SYCP1: variants seen among roughly 807,000 people sequenced by gnomAD.
SYCP1 encodes cancer/testis antigen 8.
In SYCP1, 64 loss-of-function variants were observed where a neutral mutation model predicts 153.1. The observed-to-expected ratio is 0.42, with a 90% CI of 0.34 to 0.51. SYCP1 has a LOEUF of 0.51. SYCP1 is among the 20% of genes least tolerant of loss of function. The probability of loss-of-function intolerance (pLI) is 0.06; values close to 1 mark genes in which losing one functional copy is unlikely to be tolerated. For synonymous variants in SYCP1, 384 were observed against 341.8 expected (o/e 1.12, Z -1.36); for missense variants, 997 against 1,049.0 (o/e 0.95, Z 0.68).
intron 30 of SYCP1, among the ~76,000 whole-genome samples, chr1:114,990,819 CA>C (rs1175070368): frequency 6.6e-6 from 1 of 151,858 alleles, no homozygotes; most frequent in Non-Finnish European, 1.5e-5. Flanking sequence ...TCAAAAACCT[CA>C]ACAAAGAAAA....
At chr1:114,894,652 A>G (rs189638652) in intron 15 of SYCP1, among the ~76,000 whole-genome samples, 1 of 152,308 alleles carries the variant, frequency 6.6e-6, no homozygotes, top group Non-Finnish European at 1.5e-5. Context: ...TAGAGAGGAA[A>G]CAGGACATAT....
At chr1:114,987,474 T>C (rs1445418692) in intron 30 of SYCP1, among the ~76,000 whole-genome samples, 2 of 151,928 alleles carry the variant, frequency 1.3e-5, no homozygotes, top group African/African-American at 4.8e-5. Context: ...TGAGACTAAG[T>C]TGGGCAACAG....
At chr1:114,984,985 A>G in intron 30 of SYCP1, 117 bp downstream of exon 30, 1 of 437,040 alleles carries the variant, frequency 2.3e-6, no homozygotes. Context: ...ATACTGATAT[A>G]CAGTGGAGCT....
intron 27 of SYCP1, among the ~76,000 whole-genome samples, chr1:114,956,368 C>T (rs943409028): frequency 6.6e-6 from 1 of 152,166 alleles, no homozygotes; most frequent in Admixed American, 6.5e-5. Context: ...GCATTCCAAC[C>T]TCTATCTCAC....
intron 23 of SYCP1, among the ~76,000 whole-genome samples, chr1:114,942,799 A>G (rs1270769373): frequency 6.6e-6 from 1 of 151,968 alleles, no homozygotes; most frequent in Non-Finnish European, 1.5e-5. Flanking sequence ...TAAAAAACAC[A>G]ACCATATTTG....
intron 23 of SYCP1, 38 bp from the exon 24 acceptor site, chr1:114,944,301 C>A: frequency 2.6e-6 from 3 of 1,135,022 alleles, no homozygotes; most frequent in East Asian, 2.5e-5. Context: ...TAATCCATAG[C>A]ATTTACTAAT....
chr1:114,939,354 A>C (rs947536137), intron 23 of SYCP1, among the ~76,000 whole-genome samples: 1 of 152,232 alleles, frequency 6.6e-6, no homozygotes, highest in Non-Finnish European at 1.5e-5. Context: ...AAGAATATTC[A>C]TGGTGGCTTT....
In SYCP1 at chr1:114,981,730, C is replaced by T. The variant is rs114412358; in HGVS notation, c.2559+218C>T. 4.9e-3 allele frequency among the ~76,000 whole-genome samples: 741 copies of T among 152,100 alleles called. 8 individuals are homozygous for T. Among genetic ancestry groups the T allele is most frequent in the African/African-American group, 0.017 (693 of 41,534 alleles). On this transcript the variant is annotated intron_variant, in intron 29 of 31. Transcript: ENST00000369522. ...GCCTTAACTCATCCTCCTGTCTTGG[C>T]CTCCCAAAGTATTGGGATTATAGGT...
intron 8 of SYCP1, among the ~76,000 whole-genome samples, chr1:114,864,247 A>G (rs1217493276): frequency 6.6e-6 from 1 of 152,112 alleles, no homozygotes; most frequent in Non-Finnish European, 1.5e-5. Flanking sequence ...GGACAGGGTG[A>G]TTGGGAAGTT....
intron 30 of SYCP1, among the ~76,000 whole-genome samples, chr1:114,985,120 G>A (rs1301032604): frequency 1.3e-5 from 2 of 151,512 alleles, no homozygotes; most frequent in Non-Finnish European, 3.0e-5. Context: ...ATGGGCATAC[G>A]ATATGATTAA....
intron 27 of SYCP1, among the ~76,000 whole-genome samples, chr1:114,962,668 C>T (rs545124117): frequency 6.6e-6 from 1 of 152,250 alleles, no homozygotes; most frequent in East Asian, 1.9e-4. Flanking sequence ...TTACATTCAA[C>T]ATTAGTATTG....
At chr1:114,994,558 C>T in intron 30 of SYCP1, 140 bp from the exon 31 acceptor site, 1 of 486,872 alleles carries the variant, frequency 2.1e-6, no homozygotes, top group Non-Finnish European at 3.5e-6. Flanking sequence ...TCTCTTTCCT[C>T]CTCCCTTTGC....
At chr1:114,962,779 T>A (rs1671862580) in intron 27 of SYCP1, among the ~76,000 whole-genome samples, 1 of 152,226 alleles carries the variant, frequency 6.6e-6, no homozygotes, top group African/African-American at 2.4e-5. Context: ...AGATTTATGC[T>A]TTAAGGAAAT....
At position 114,885,644 on chromosome 1, in the gene SYCP1, C is replaced by G. The variant is rs541635244; in HGVS notation, c.1005+15C>G. ...AAAGAAGTGTGGTATGATTTAAAAA[C>G]TCATTAGTGTGTAATAAGTCTCACC... On this transcript the variant is annotated intron_variant, in intron 13 of 31. Transcript: ENST00000369522. 303 of 1,433,552 alleles carry G rather than the reference C, an allele frequency of 2.1e-4. No homozygotes were observed. The highest frequency in any genetic ancestry group is 2.8e-4 in the Non-Finnish European group (288 of 1,041,916). 88.8% of individuals were successfully genotyped at this position (1,433,552 alleles called of 1,614,324 possible).
At chr1:114,879,531 T>C (rs980686205) in intron 12 of SYCP1, among the ~76,000 whole-genome samples, 2 of 152,196 alleles carry the variant, frequency 1.3e-5, no homozygotes, top group African/African-American at 2.4e-5. Flanking sequence ...GCATAAACAT[T>C]ACCTGTTTGT....
intron 12 of SYCP1, among the ~76,000 whole-genome samples, chr1:114,881,244 AT>A: frequency 6.6e-6 from 1 of 151,642 alleles, no homozygotes; most frequent in Admixed American, 6.6e-5. Context: ...TTACCCATGT[AT>A]TTTTTTCAAT....
intron 21 of SYCP1, among the ~76,000 whole-genome samples, chr1:114,923,948 T>A (rs1402571004): frequency 1.3e-5 from 2 of 152,122 alleles, no homozygotes; most frequent in Non-Finnish European, 2.9e-5. Context: ...ATATGTGACA[T>A]GATTATAGTA....
chr1:114,982,584 T>A (rs1024748146), intron 29 of SYCP1, among the ~76,000 whole-genome samples: 2 of 151,900 alleles, frequency 1.3e-5, no homozygotes, highest in Admixed American at 1.3e-4. Flanking sequence ...TATTTCTTTT[T>A]ATTGATATTC....
chr1:114,968,111 T>A (rs865856683), intron 27 of SYCP1, among the ~76,000 whole-genome samples: 1 of 152,220 alleles, frequency 6.6e-6, no homozygotes, highest in East Asian at 1.9e-4. Flanking sequence ...GCCCTTAAGA[T>A]TTTTTCCTTC....
Sources: allele counts gnomAD v4.1 joint callset (sites outside exome capture counted in the v4.1 genomes callset), GRCh38; gene constraint gnomAD v4.1.1; transcripts MANE v1.5; gene names NCBI Gene and HGNC (gene_info 2026-07-23, HGNC 2026-07-21).